TOGARAM1: variants seen among roughly 807,000 people sequenced by gnomAD.
TOGARAM1 encodes TOG array regulator of axonemal microtubules 1.
A neutral mutation model predicts 166.6 loss-of-function variants in TOGARAM1; 100 were observed. The ratio of observed to expected loss-of-function variants is 0.60; its 90% CI spans 0.51 to 0.71. The LOEUF is 0.71. Among genes scored for constraint, TOGARAM1 ranks in the 30% least tolerant of loss-of-function variants. TOGARAM1 has a pLI of 0.00. For synonymous variants in TOGARAM1, 758 were observed against 763.8 expected (o/e 0.99, Z 0.13); for missense variants, 2,029 against 2,102.7 (o/e 0.96, Z 0.69).
rs756387943 is a variant in TOGARAM1, at chr14:45,004,072, C to G, written c.2350C>G (p.Leu784Val). The part of the protein sequence containing the change: ...SSHQEKVYAS[L>V]NFGSKTQQTF... ...TTGTTTTATTACAGTGTATGCTAGC[C>G]TCAATTTTGGCAGTAAGACACAGCA... is the stretch of plus-strand genomic sequence containing the variant. Residue 784 changes from leucine (L) to valine (V), a missense_variant, in exon 4 of 20, where the codon CTC (leucine) becomes GTC (valine). By Grantham distance (32) the Leu-to-Val change is conservative (BLOSUM62 1). Around this residue, in one of 2 missense-constraint regions of TOGARAM1, gnomAD observed 1,453 missense variants for 1,432.2 expected, o/e 1.01. Transcript: ENST00000361462. 1.9e-6 allele frequency: 3 copies of G among 1,613,616 alleles called. No individual in the cohort carries two copies. The highest frequency in any genetic ancestry group is 2.5e-6 in the Non-Finnish European group (3 of 1,179,818).
chr14:45,004,161 C>T lies in TOGARAM1; in HGVS notation c.2439C>T (p.Tyr813=). The change falls in exon 4 of 20, where the codon TAC becomes TAT. Residue 813 remains tyrosine (Y), a synonymous_variant. Coordinates refer to ENST00000361462, the MANE Select transcript of TOGARAM1 (RefSeq NM_001308120.2). ...SNGQNPSPGA[Y]ILPSYPVSSP... is the part of the protein sequence containing the mutation. Reference sequence around the variant, plus strand: ...GTCAAAATCCAAGTCCAGGAGCTTACATCCTTCCATCCTATCCTGTCTCAT... The same window carrying T: ...GTCAAAATCCAAGTCCAGGAGCTTATATCCTTCCATCCTATCCTGTCTCAT... The T allele has an allele frequency of 6.2e-7, 1 of 1,614,074 alleles. No individual in the cohort carries two copies. Among genetic ancestry groups the T allele is most frequent in the East Asian group, 2.2e-5 (1 of 44,862 alleles).
intron 7 of TOGARAM1, among the ~76,000 whole-genome samples, chr14:45,020,558 C>T (rs777226449): frequency 1.2e-4 from 18 of 152,104 alleles, no homozygotes; most frequent in Non-Finnish European, 1.2e-4. Context: ...TCTTTTGTTG[C>T]GGGGCTTAGG....
At chr14:45,015,812 C>T (rs1229009093) in intron 7 of TOGARAM1, among the ~76,000 whole-genome samples, 1 of 152,078 alleles carries the variant, frequency 6.6e-6, no homozygotes, top group Non-Finnish European at 1.5e-5. Flanking sequence ...AGATACTGAG[C>T]TCTTTATCCC....
At chr14:45,003,267 C>T (rs761483285) in intron 3 of TOGARAM1, among the ~76,000 whole-genome samples, 52 of 151,944 alleles carry the variant, frequency 3.4e-4, no homozygotes, top group Non-Finnish European at 6.2e-4. Flanking sequence ...AATATACGTA[C>T]GCTAGGTATT....
At chr14:45,045,543 G>GTGTGTGTATA (rs1457434775) in intron 13 of TOGARAM1, among the ~76,000 whole-genome samples, 5 of 38,910 alleles carry the variant, frequency 1.3e-4, no homozygotes, top group African/African-American at 1.8e-4. Context: ...GTCTGTGTGT[G>GTGTGTGTATA]TATATATATA....
chr14:45,050,717 C>T (rs959897984), intron 14 of TOGARAM1, among the ~76,000 whole-genome samples: 25 of 151,012 alleles, frequency 1.7e-4, no homozygotes, highest in African/African-American at 6.1e-4. Flanking sequence ...CAGGTTCAAG[C>T]GATTCTCATG....
chr14:44,998,214 T>C (rs1283344968), intron 2 of TOGARAM1, among the ~76,000 whole-genome samples: 2 of 152,214 alleles, frequency 1.3e-5, no homozygotes, highest in South Asian at 2.1e-4. Context: ...TTTGTGGCAG[T>C]TTTGATTTTG....
Position 44,963,677 on chromosome 14 carries a change from AT to A in TOGARAM1, c.1259del (p.Leu420TyrfsTer18). 6.2e-7 allele frequency: 1 copy of A among 1,613,646 alleles called. No homozygotes were observed. The highest frequency in any genetic ancestry group is 1.1e-5 in the South Asian group (1 of 91,076). ...GTGCATGGCACACTTGAAGTCCTGC[AT>A]TTACTGGTTATTCGCCTTGGAGAGC... is the stretch of plus-strand genomic sequence containing the variant. ...KVVHGTLEVL[H>X]LLVIRLGEQV... On this transcript the variant is annotated frameshift_variant, in exon 1 of 20. Transcript: ENST00000361462. LOFTEE classifies it high-confidence loss of function.
intron 1 of TOGARAM1, among the ~76,000 whole-genome samples, chr14:44,968,406 C>T (rs1885679701): frequency 6.6e-6 from 1 of 152,174 alleles, no homozygotes; most frequent in Non-Finnish European, 1.5e-5. Context: ...ACTACAGGCA[C>T]CCGCCACCAT....
chr14:45,054,364 C>A, intron 15 of TOGARAM1, 67 bp from the exon 16 acceptor site: 1 of 958,628 alleles, frequency 1.0e-6, no homozygotes, highest in Non-Finnish European at 1.6e-6. Context: ...TTGAAAATTA[C>A]ATTGTGTAAA....
intron 1 of TOGARAM1, among the ~76,000 whole-genome samples, chr14:44,988,825 C>G (rs1349965383): frequency 6.6e-6 from 1 of 152,236 alleles, no homozygotes; most frequent in African/African-American, 2.4e-5. Context: ...GCTGCCATGT[C>G]TTGAGTAGCC....
intron 17 of TOGARAM1, among the ~76,000 whole-genome samples, chr14:45,067,046 A>C (rs1014168543): frequency 6.6e-6 from 1 of 152,198 alleles, no homozygotes; most frequent in African/African-American, 2.4e-5. Flanking sequence ...AAATTACACA[A>C]ATTTAAAATG....
At chr14:45,025,282 G>C (rs1233911062) in intron 7 of TOGARAM1, among the ~76,000 whole-genome samples, 2 of 152,040 alleles carry the variant, frequency 1.3e-5, no homozygotes, top group African/African-American at 4.8e-5. Flanking sequence ...AGGAAAGGAA[G>C]GGGCCAGGCA....
In TOGARAM1 at chr14:45,044,897, T is replaced by C. The variant is rs200850675; in HGVS notation, c.4154+27T>C. The C allele has an allele frequency of 4.6e-6, 7 of 1,532,146 alleles. No homozygotes were observed. The East Asian group carries it at 1.4e-4, about 30-fold the overall frequency. 94.9% of individuals were successfully genotyped at this position (1,532,146 alleles called of 1,614,324 possible). A position where few individuals can be genotyped will look rare whatever the true frequency, so the allele number is the denominator to read the frequency against. ...TAATGTTCAAAATAACCTTGAAATGTCTTTAAACAAAAAATGAAATGTTGC... is the reference window on the plus strand; with the variant it reads ...TAATGTTCAAAATAACCTTGAAATGCCTTTAAACAAAAAATGAAATGTTGC... On this transcript the variant is annotated intron_variant, in intron 13 of 19. Transcript: ENST00000361462.
chr14:45,041,349 T>G (rs1881716102), intron 11 of TOGARAM1, among the ~76,000 whole-genome samples: 3 of 152,104 alleles, frequency 2.0e-5, no homozygotes, highest in Admixed American at 2.0e-4. Flanking sequence ...TGCAGTGAGC[T>G]GAGATCACGC....
chr14:44,980,703 G>C (rs552851369), intron 1 of TOGARAM1, among the ~76,000 whole-genome samples: 1 of 152,164 alleles, frequency 6.6e-6, no homozygotes, highest in East Asian at 1.9e-4. Flanking sequence ...AGTAGTAGTG[G>C]GAAATATGAT....
intron 14 of TOGARAM1, among the ~76,000 whole-genome samples, chr14:45,050,815 ATGT>A (rs1302713342): frequency 7.2e-5 from 11 of 151,824 alleles, no homozygotes; most frequent in Non-Finnish European, 1.3e-4. Flanking sequence ...GGGTTTCACC[ATGT>A]TGGCCAGGCT....
At position 45,060,939 on chromosome 14, in the gene TOGARAM1, G is replaced by T. The variant is rs566455392; in HGVS notation, c.4560-5639G>T. Among the ~76,000 whole-genome samples, 7 of 152,206 alleles carry T rather than the reference G, an allele frequency of 4.6e-5. No homozygotes were observed. In the East Asian group the frequency reaches 1.4e-3, roughly 29 times the overall value. The stretch of plus-strand genomic sequence containing the variant: ...CATTTATAGTTAATAGATATCTTTG[G>T]AAACTTTGAGACTGTGTAAATATCC... On this transcript the variant is annotated intron_variant, in intron 16 of 19. Transcript: ENST00000361462.
At chr14:45,067,651 G>A (rs1467300897) in intron 17 of TOGARAM1, among the ~76,000 whole-genome samples, 1 of 151,930 alleles carries the variant, frequency 6.6e-6, no homozygotes, top group East Asian at 1.9e-4. Flanking sequence ...TCAGTTTTCT[G>A]AAGAAAAGAA....
Sources: gnomAD v4.1 joint callset for allele counts (sites outside exome capture counted in the v4.1 genomes callset) on GRCh38, gnomAD v4.1.1 for gene constraint, gnomAD v4.1.1 regional missense constraint, MANE v1.5 for transcripts, NCBI Gene and HGNC (gene_info 2026-07-23, HGNC 2026-07-21) for gene names.